Variants in DLC1 observed in about 807,000 individuals in gnomAD.
DLC1 encodes DLC1 Rho GTPase activating protein.
In DLC1, 54 loss-of-function variants were observed where a neutral mutation model predicts 140.3. The observed-to-expected ratio is 0.38, with a 90% confidence interval of 0.31 to 0.48. DLC1 has a LOEUF of 0.48. Ranked by LOEUF, DLC1 falls within the 20% of genes least tolerant of loss-of-function variation. The pLI is 0.96. For missense variants in DLC1, 2,536 were observed against 1,907.0 expected (o/e 1.33, Z -6.14); for synonymous variants, 986 against 728.1 (o/e 1.35, Z -5.70).
At chr8:13,093,916 T>C (rs1372552278) in intron 12 of DLC1, among the ~76,000 whole-genome samples, 1 of 152,236 alleles carries the variant, frequency 6.6e-6, no homozygotes, top group Non-Finnish European at 1.5e-5. Flanking sequence ...TTTCGACAAC[T>C]GTTTTCTTTA....
At chr8:13,376,815 C>T (rs781267723) in intron 4 of DLC1, among the ~76,000 whole-genome samples, 7 of 152,128 alleles carry the variant, frequency 4.6e-5, no homozygotes, top group African/African-American at 9.7e-5. Flanking sequence ...AACATTTAAT[C>T]CTAGCTCTTG....
intron 5 of DLC1, among the ~76,000 whole-genome samples, chr8:13,149,841 G>A (rs1227611847): frequency 6.6e-6 from 1 of 152,200 alleles, no homozygotes; most frequent in Non-Finnish European, 1.5e-5. Flanking sequence ...AGCTCCTGGG[G>A]GCGTCAGGCC....
At chr8:13,341,722 C>G (rs927243502) in intron 4 of DLC1, 13 of 152,158 alleles carry the variant, frequency 8.5e-5, no homozygotes, top group African/African-American at 3.1e-4. Context: ...TGGTATGCAG[C>G]TACTGAGATG....
At chr8:13,572,967 T>C (rs530781119) in intron 1 of DLC1, among the ~76,000 whole-genome samples, 1 of 152,310 alleles carries the variant, frequency 6.6e-6, no homozygotes, top group Non-Finnish European at 1.5e-5. Context: ...TTCCTTGGGA[T>C]TCCATATGAA....
intron 1 of DLC1, among the ~76,000 whole-genome samples, chr8:13,526,865 T>C (rs1401944199): frequency 6.6e-6 from 1 of 152,212 alleles, no homozygotes; most frequent in African/African-American, 2.4e-5. Flanking sequence ...GGCACATGTA[T>C]ACATATGTAA....
chr8:13,199,358 AT>A (rs1198472579), intron 5 of DLC1, among the ~76,000 whole-genome samples: 1 of 151,528 alleles, frequency 6.6e-6, no homozygotes, highest in African/African-American at 2.4e-5. Context: ...TGATTTTTAA[AT>A]TTTTTTGTAG....
rs530899197 is a variant in DLC1, at chr8:13,447,364, G to A, written c.1024-45745C>T. The stretch of plus-strand genomic sequence containing the variant: ...ACGATTTATGACACTAACCTTTTGC[G>A]TGACATTGAGTAATACCTATTTGGC... On this transcript the variant is annotated intron_variant, in intron 2 of 17. Coordinates refer to ENST00000276297, the MANE Select transcript of DLC1 (RefSeq NM_182643.3). Among the ~76,000 whole-genome samples the A allele has an allele frequency of 2.4e-3, 369 of 152,152 alleles. 1 individual carries two copies. Among genetic ancestry groups the A allele is most frequent in the Middle Eastern group, 0.01 (3 of 294 alleles).
rs200837768 is a variant in DLC1 at position 13,309,680 on chromosome 8, C to T, written c.1315-4378G>A. Among the ~76,000 whole-genome samples, 5 of 152,246 alleles carry T rather than the reference C, an allele frequency of 3.3e-5. No individual in the cohort carries two copies. In the East Asian group the frequency reaches 9.7e-4, roughly 29 times the overall value. On this transcript the variant is annotated intron_variant, in intron 4 of 17. Transcript: ENST00000276297. ...GAAATGTTCTAAACATATGTTGATT[C>T]TTTTGGTCTGCTGCAGAAATGGCTT...
chr8:13,454,178 C>A (rs375564411), intron 2 of DLC1, among the ~76,000 whole-genome samples: 1 of 151,790 alleles, frequency 6.6e-6, no homozygotes. Flanking sequence ...GTTTGTCCAA[C>A]AAAATGCTGA....
intron 5 of DLC1, among the ~76,000 whole-genome samples, chr8:13,274,825 T>C (rs1226584096): frequency 6.6e-6 from 1 of 152,212 alleles, no homozygotes; most frequent in Non-Finnish European, 1.5e-5. Context: ...ATAGAATCTT[T>C]TCATTTGCGG....
At chr8:13,546,181 T>C (rs1192539183) in intron 1 of DLC1, among the ~76,000 whole-genome samples, 1 of 152,134 alleles carries the variant, frequency 6.6e-6, no homozygotes, top group Non-Finnish European at 1.5e-5. Context: ...CTCATATTGG[T>C]CATTAATCTT....
chr8:13,414,137 T>G (rs1185953224), intron 2 of DLC1, among the ~76,000 whole-genome samples: 1 of 152,306 alleles, frequency 6.6e-6, no homozygotes, highest in Non-Finnish European at 1.5e-5. Context: ...TACTTTATAA[T>G]ATATTTTTCA....
chr8:13,397,406 A>C (rs1837097746), intron 3 of DLC1, among the ~76,000 whole-genome samples: 1 of 152,170 alleles, frequency 6.6e-6, no homozygotes, highest in Non-Finnish European at 1.5e-5. Flanking sequence ...CCAGGAGAGC[A>C]GTGAAAGTCA....
At chr8:13,406,181 G>GTGTTTTTTTTT (rs1554514492) in intron 2 of DLC1, among the ~76,000 whole-genome samples, 1 of 84,960 alleles carries the variant, frequency 1.2e-5, no homozygotes, top group Non-Finnish European at 2.2e-5. Context: ...TAATTTTTGT[G>GTGTTTTTTTTT]TTTTTTTTTT....
chr8:13,100,369 G>C lies in DLC1; in HGVS notation c.1968C>G (p.His656Gln). 1 of 1,614,160 alleles carries C rather than the reference G, an allele frequency of 6.2e-7. No individual in the cohort carries two copies. Among genetic ancestry groups the C allele is most frequent in the Non-Finnish European group, 8.5e-7 (1 of 1,180,034 alleles). The change falls in exon 9 of 18, where the codon CAC (histidine) becomes CAG (glutamine). Residue 656 changes from histidine to glutamine, a missense_variant. His to Gln is a conservative substitution (Grantham distance 24, BLOSUM62 0). Coordinates refer to ENST00000276297, the MANE Select transcript of DLC1 (RefSeq NM_182643.3). ...GCGTCTTGGACTTGGCAGTTTTTTC[G>C]TGGCCTTTCATGCTGAAGCTGAAGC... The part of the protein sequence containing the change: ...LSSFSFSMKG[H>Q]EKTAKSKTRS...
chr8:13,543,374 T>A (rs1803550179), intron 1 of DLC1, among the ~76,000 whole-genome samples: 1 of 152,300 alleles, frequency 6.6e-6, no homozygotes, highest in African/African-American at 2.4e-5. Context: ...AGTGCAGTCA[T>A]CTGGTAAAGA....
At position 13,499,489 on chromosome 8, in the gene DLC1, T is replaced by G; in HGVS notation, c.583A>C (p.Asn195His). Residue 195 changes from asparagine (N) to histidine (H), a missense_variant, in exon 2 of 18, where the codon AAT becomes CAT. Transcript: ENST00000276297. ...DSISKSLELC[N>H]EISLSEIKDA... Reference sequence around the variant, plus strand: ...TTTATTTCACTTAAGCTTATTTCATTGCAAAGCTCCAGGCTTTTACTTATA... The same window carrying G: ...TTTATTTCACTTAAGCTTATTTCATGGCAAAGCTCCAGGCTTTTACTTATA... The G allele has an allele frequency of 1.2e-6, 2 of 1,614,186 alleles. No individual in the cohort carries two copies. Among genetic ancestry groups the G allele is most frequent in the Middle Eastern group, 1.6e-4 (1 of 6,062 alleles).
chr8:13,517,201 T>A (rs1802614953), upstream of DLC1, among the ~76,000 whole-genome samples: 1 of 152,200 alleles, frequency 6.6e-6, no homozygotes, highest in South Asian at 2.1e-4. Context: ...TGTCACTGCC[T>A]TTAGTACTGA....
intron 5 of DLC1, among the ~76,000 whole-genome samples, chr8:13,262,320 A>C (rs896982462): frequency 1.3e-5 from 2 of 152,172 alleles, no homozygotes; most frequent in African/African-American, 4.8e-5. Flanking sequence ...CATATTTCAT[A>C]AGAAATGATA....
Sources: allele counts gnomAD v4.1 joint callset (sites outside exome capture counted in the v4.1 genomes callset), GRCh38; gene constraint gnomAD v4.1.1; transcripts MANE v1.5; gene names NCBI Gene and HGNC (gene_info 2026-07-23, HGNC 2026-07-21).